Variants in FARS2 observed in about 807,000 individuals in gnomAD.
FARS2 encodes the protein phenylalanyl-tRNA synthetase 2, mitochondrial.
A neutral mutation model predicts 46.4 loss-of-function variants in FARS2; 40 were observed. The ratio of observed to expected loss-of-function variants is 0.86; its 90% CI spans 0.67 to 1.12. The LOEUF (loss-of-function observed/expected upper bound fraction) is 1.12. Among genes scored for constraint, FARS2 ranks in the 50% most tolerant of loss-of-function variants. The pLI is 0.00. For synonymous variants in FARS2, 234 were observed against 214.9 expected, an observed-to-expected ratio of 1.09 and a Z score of -0.78; for missense variants, 513 against 567.9, an observed-to-expected ratio of 0.90 and a Z score of 0.98.
At chr6:5,472,502 G>A (rs990090726) in intron 4 of FARS2, among the ~76,000 whole-genome samples, 1 of 152,138 alleles carries the variant, frequency 6.6e-6, no homozygotes, top group African/African-American at 2.4e-5. Context: ...GATACAGCTG[G>A]CACTATTGGT....
At chr6:5,615,849 CA>C (rs959856589) in intron 6 of FARS2, among the ~76,000 whole-genome samples, 1 of 151,726 alleles carries the variant, frequency 6.6e-6, no homozygotes, top group Non-Finnish European at 1.5e-5. Flanking sequence ...GCCAAGAAAC[CA>C]ACTTTCTTTA....
chr6:5,352,922 C>A (rs809489), intron 1 of FARS2, among the ~76,000 whole-genome samples: 106,707 of 152,058 alleles, frequency 0.7, 38,100 homozygotes, highest in African/African-American at 0.82. Flanking sequence ...TAGTGAAAAC[C>A]TTCAAAATCC....
At chr6:5,639,847 C>T (rs1048725203) in intron 6 of FARS2, among the ~76,000 whole-genome samples, 1 of 152,232 alleles carries the variant, frequency 6.6e-6, no homozygotes, top group Admixed American at 6.5e-5. Flanking sequence ...TGGGCATTGG[C>T]TGGAACCCAG....
intron 5 of FARS2, among the ~76,000 whole-genome samples, chr6:5,554,120 C>G (rs1771520868): frequency 6.6e-6 from 1 of 152,104 alleles, no homozygotes; most frequent in African/African-American, 2.4e-5. Context: ...AACTATTACA[C>G]TTGTTTTTTG....
At chr6:5,283,071 G>T (rs532892450) in intron 1 of FARS2, among the ~76,000 whole-genome samples, 4 of 151,456 alleles carry the variant, frequency 2.6e-5, no homozygotes, top group African/African-American at 9.7e-5. Flanking sequence ...ACCCTGTCTC[G>T]ACTAAAAATT....
At chr6:5,735,854 T>C (rs938576805) in intron 6 of FARS2, among the ~76,000 whole-genome samples, 1 of 152,174 alleles carries the variant, frequency 6.6e-6, no homozygotes, top group Admixed American at 6.5e-5. Context: ...CCAAAACTCA[T>C]AAGGAAGTTA....
chr6:5,609,295 G>T (rs1775036192), intron 5 of FARS2: 1 of 1,092,044 alleles, frequency 9.2e-7, no homozygotes, highest in Admixed American at 1.7e-5. Context: ...TGGTTTCATG[G>T]TTTGGCAAAG....
intron 1 of FARS2, among the ~76,000 whole-genome samples, chr6:5,324,443 CTTTTT>C (rs745311767): frequency 2.3e-5 from 2 of 88,288 alleles, no homozygotes; most frequent in Non-Finnish European, 4.7e-5. Context: ...AGACTATTTG[CTTTTT>C]TTTTTTTTTT....
intron 6 of FARS2, among the ~76,000 whole-genome samples, chr6:5,637,139 C>G (rs540176465): frequency 6.6e-6 from 1 of 152,324 alleles, no homozygotes; most frequent in African/African-American, 2.4e-5. Flanking sequence ...TGAGAGGCTC[C>G]TGACTTGCAG....
At chr6:5,395,786 A>G (rs1018431210) in intron 2 of FARS2, among the ~76,000 whole-genome samples, 6 of 152,154 alleles carry the variant, frequency 3.9e-5, no homozygotes, top group African/African-American at 7.2e-5. Context: ...ATCCTTTCCT[A>G]TTCCTCTTTT....
intron 1 of FARS2, among the ~76,000 whole-genome samples, chr6:5,345,653 G>C (rs1305264217): frequency 1.3e-5 from 2 of 152,204 alleles, no homozygotes; most frequent in African/African-American, 4.8e-5. Flanking sequence ...TTTGGTGTTT[G>C]AGAGTAGCCC....
Position 5,393,437 on chromosome 6 carries a change from G to A in FARS2, c.613-11105G>A, listed in dbSNP as rs1450308981. Among the ~76,000 whole-genome samples, 5 of 151,828 alleles carry A rather than the reference G, an allele frequency of 3.3e-5. No individual in the cohort carries two copies. The South Asian group carries it at 6.3e-4, about 19-fold the overall frequency. On this transcript the variant is annotated intron_variant, in intron 2 of 6. Transcript: ENST00000274680. ...TTTGGGAGGCTGAGGTGGGCGGATC[G>A]CGAGGTCAAGAGATCGAGACCATCC...
intron 6 of FARS2, among the ~76,000 whole-genome samples, chr6:5,759,103 G>A (rs1762359673): frequency 6.6e-6 from 1 of 152,150 alleles, no homozygotes; most frequent in African/African-American, 2.4e-5. Flanking sequence ...GAGAAGGTAA[G>A]CGATCTACCT....
intron 6 of FARS2, among the ~76,000 whole-genome samples, chr6:5,649,217 A>G (rs1027477095): frequency 3.9e-5 from 6 of 152,192 alleles, no homozygotes; most frequent in Non-Finnish European, 8.8e-5. Context: ...TTCTGTGCAT[A>G]TATCTCTCTT....
intron 4 of FARS2, among the ~76,000 whole-genome samples, chr6:5,446,353 T>C (rs563303405): frequency 3.9e-5 from 6 of 152,194 alleles, no homozygotes; most frequent in Non-Finnish European, 7.3e-5. Flanking sequence ...GTTTGTGGGC[T>C]TCAAAGGCAT....
intron 4 of FARS2, among the ~76,000 whole-genome samples, chr6:5,444,967 CTCAGTTTCT>C (rs1002566861): frequency 1.3e-5 from 2 of 152,154 alleles, no homozygotes; most frequent in African/African-American, 4.8e-5. Flanking sequence ...TCCTGTGGGT[CTCAGTTTCT>C]TCATCTGTAA....
chr6:5,630,075 G>A lies in FARS2; in HGVS notation c.1217+16755G>A, dbSNP rs1177043379. 2.0e-5 allele frequency among the ~76,000 whole-genome samples: 3 copies of A among 152,174 alleles called. No homozygotes were observed. Among genetic ancestry groups the A allele is most frequent in the Non-Finnish European group, 2.9e-5 (2 of 68,034 alleles). On this transcript the variant is annotated intron_variant, in intron 6 of 6. Transcript: ENST00000274680. The surrounding 1 kb of genome is among the most constrained non-coding windows in gnomAD (Gnocchi z 4.2). ...AGCAGAGAGAGGCCAGGATTGGAAC[G>A]TGTACTACTCTTGACCACTGGAGCT...
chr6:5,698,991 G>A (rs1363220105), intron 6 of FARS2, among the ~76,000 whole-genome samples: 2 of 152,332 alleles, frequency 1.3e-5, no homozygotes, highest in Non-Finnish European at 2.9e-5. Flanking sequence ...ATTCCCCCAT[G>A]TGCCTGGAAG....
intron 1 of FARS2, among the ~76,000 whole-genome samples, chr6:5,359,059 A>G (rs1021280365): frequency 2.7e-5 from 1 of 37,356 alleles, no homozygotes; most frequent in African/African-American, 1.1e-4. Context: ...TTTTTTTTTG[A>G]TATGGAGGCT....
Sources: gnomAD v4.1 joint callset for allele counts (sites outside exome capture counted in the v4.1 genomes callset) on GRCh38, gnomAD v4.1.1 for gene constraint, Gnocchi (gnomAD v3.1) non-coding constraint, MANE v1.5 for transcripts, NCBI Gene and HGNC (gene_info 2026-07-23, HGNC 2026-07-21) for gene names.